PGCKA1: variants seen among roughly 807,000 people sequenced by gnomAD.
PGCKA1 encodes the protein PDCD10 and GCKIII kinases-associated protein 1.
At chr4:37,514,423 T>A in the PGCKA1 span, among the ~76,000 whole-genome samples, 1 of 152,226 alleles carries the variant, frequency 6.6e-6, no homozygotes, top group African/African-American at 2.4e-5. Flanking sequence ...TAAGATGATA[T>A]ATCTTAAGAT....
chr4:37,582,434 C>T, the PGCKA1 span, among the ~76,000 whole-genome samples: 17,736 of 152,124 alleles, frequency 0.12, 2,806 homozygotes, highest in African/African-American at 0.35. Context: ...ATACGATTAC[C>T]TAATCTACAG....
chr4:37,502,254 G>A, the PGCKA1 span, among the ~76,000 whole-genome samples: 15 of 152,352 alleles, frequency 9.8e-5, no homozygotes, highest in East Asian at 1.9e-4. Context: ...CATGCCTGTC[G>A]CTATGGTAGG....
At chr4:37,588,998 T>TG in the PGCKA1 span, 2 of 873,254 alleles carry the variant, frequency 2.3e-6, no homozygotes, top group African/African-American at 3.3e-5. Flanking sequence ...TTATCCAGCT[T>TG]GGGGCATGAT....
the PGCKA1 span, among the ~76,000 whole-genome samples, chr4:37,501,297 G>A: frequency 6.6e-6 from 1 of 152,088 alleles, no homozygotes; most frequent in Admixed American, 6.5e-5. Context: ...GTGGGCAGGT[G>A]AGCGAGCATT....
chr4:37,517,305 A>G, the PGCKA1 span, among the ~76,000 whole-genome samples: 1 of 148,030 alleles, frequency 6.8e-6, no homozygotes, highest in Non-Finnish European at 1.5e-5. Flanking sequence ...ATAAATATAT[A>G]TAAATATATA....
the PGCKA1 span, among the ~76,000 whole-genome samples, chr4:37,469,531 CAGAAAATTACAAGACAACACAT>C: frequency 2.0e-5 from 3 of 152,072 alleles, no homozygotes; most frequent in Non-Finnish European, 4.4e-5. Flanking sequence ...ATCTTAGAAT[CAGAAAATTACAAGACAACACAT>C]AGAAAATTCC....
chr4:37,504,018 T>C, the PGCKA1 span, among the ~76,000 whole-genome samples: 1 of 152,168 alleles, frequency 6.6e-6, no homozygotes, highest in South Asian at 2.1e-4. Flanking sequence ...TATTACTTTG[T>C]CCAGTCCAAT....
chr4:37,562,581 T>G, the PGCKA1 span, among the ~76,000 whole-genome samples: 1 of 152,160 alleles, frequency 6.6e-6, no homozygotes, highest in Non-Finnish European at 1.5e-5. Flanking sequence ...GCAGTGGGAG[T>G]GCACATAGTT....
chr4:37,495,353 T>C, the PGCKA1 span, among the ~76,000 whole-genome samples: 1 of 152,084 alleles, frequency 6.6e-6, no homozygotes, highest in Non-Finnish European at 1.5e-5. Flanking sequence ...GAACCAGAAA[T>C]AGCATTTGAC....
At chr4:37,520,315 G>A in the PGCKA1 span, among the ~76,000 whole-genome samples, 1 of 152,280 alleles carries the variant, frequency 6.6e-6, no homozygotes, top group South Asian at 2.1e-4. Context: ...TTTTGGAATA[G>A]CTTGAGTAGC....
the PGCKA1 span, among the ~76,000 whole-genome samples, chr4:37,533,285 A>C: frequency 6.6e-6 from 1 of 152,064 alleles, no homozygotes; most frequent in Non-Finnish European, 1.5e-5. Context: ...GAAAATTAGG[A>C]ATTTAAGCTG....
the PGCKA1 span, among the ~76,000 whole-genome samples, chr4:37,517,203 A>T: frequency 6.6e-6 from 1 of 151,296 alleles, no homozygotes; most frequent in Admixed American, 6.6e-5. Context: ...GTGAGCCGAG[A>T]TCATGCCACT....
chr4:37,528,313 C>T, the PGCKA1 span, among the ~76,000 whole-genome samples: 1 of 152,182 alleles, frequency 6.6e-6, no homozygotes, highest in African/African-American at 2.4e-5. Flanking sequence ...AATATGTAAT[C>T]ACGACATCTA....
chr4:37,466,401 C>T, the PGCKA1 span, among the ~76,000 whole-genome samples: 82 of 152,266 alleles, frequency 5.4e-4, 1 homozygote, highest in African/African-American at 1.8e-3. Flanking sequence ...AAACTGTCTA[C>T]GCTGACATAC....
chr4:37,502,681 C>T, the PGCKA1 span, among the ~76,000 whole-genome samples: 4 of 152,284 alleles, frequency 2.6e-5, no homozygotes, highest in South Asian at 2.1e-4. Flanking sequence ...CTCATATTCA[C>T]GTACCGACAC....
chr4:37,545,018 G>T, the PGCKA1 span, among the ~76,000 whole-genome samples: 1 of 151,882 alleles, frequency 6.6e-6, no homozygotes, highest in African/African-American at 2.4e-5. Context: ...ACCACACCTG[G>T]CTAATTTTTG....
chr4:37,469,066 T>G, the PGCKA1 span, among the ~76,000 whole-genome samples: 1 of 152,172 alleles, frequency 6.6e-6, no homozygotes, highest in Non-Finnish European at 1.5e-5. Flanking sequence ...TGTTTAGATA[T>G]GTTTACAATT....
chr4:37,474,490 G>A, the PGCKA1 span, among the ~76,000 whole-genome samples: 3 of 152,242 alleles, frequency 2.0e-5, no homozygotes, highest in East Asian at 1.9e-4. Context: ...CTGTAGGTAC[G>A]CAAAAACTCA....
At chr4:37,496,593 T>C in the PGCKA1 span, among the ~76,000 whole-genome samples, 1 of 152,242 alleles carries the variant, frequency 6.6e-6, no homozygotes, top group African/African-American at 2.4e-5. Flanking sequence ...TGGGCTCTTT[T>C]TGGGTTCCAC....
Sources: gnomAD v4.1 joint callset for allele counts (sites outside exome capture counted in the v4.1 genomes callset) on GRCh38, gnomAD v4.1.1 for gene constraint, MANE v1.5 for transcripts, NCBI Gene and HGNC (gene_info 2026-07-23, HGNC 2026-07-21) for gene names.